Variants in CHL1 observed in about 807,000 individuals in gnomAD.
CHL1 encodes the protein cell adhesion molecule L1 like, also known as neural cell adhesion molecule L1-like protein.
Under a neutral mutation model 141.9 loss-of-function variants are expected in CHL1, and 96 were observed. The observed-to-expected ratio is 0.68, with a 90% CI of 0.57 to 0.80. The LOEUF (loss-of-function observed/expected upper bound fraction) is 0.80, where lower values mean the gene tolerates loss of function less well. CHL1 is among the 30% of genes least tolerant of loss of function. The probability of loss-of-function intolerance (pLI) is 0.00; values close to 1 mark genes in which losing one functional copy is unlikely to be tolerated. For synonymous variants in CHL1, 613 were observed against 502.2 expected, an observed-to-expected ratio of 1.22 and a Z score of -2.95; for missense variants, 1,820 against 1,457.2, an observed-to-expected ratio of 1.25 and a Z score of -4.05.
rs767445947 is a variant in CHL1 at position 226,007 on chromosome 3, T to TA, written c.-174-18598dup. On this transcript the variant is annotated intron_variant, in intron 1 of 27. Transcript: ENST00000256509. ...CCGGGAGACAGAATGAGACTCTGTCTAAAAAAAAGAGACACGTTAATCTTA... is the reference window on the plus strand; with the variant it reads ...CCGGGAGACAGAATGAGACTCTGTCTAAAAAAAAAGAGACACGTTAATCTTA... Among the ~76,000 whole-genome samples the TA allele has an allele frequency of 6.5e-3, 922 of 142,442 alleles. 26 individuals carry two copies. In the East Asian group the frequency reaches 0.089, roughly 14 times the overall value. The allele number at this position is 142,442 out of a possible 152,430, so 93.4% of individuals were successfully genotyped here. A position where few individuals can be genotyped will look rare whatever the true frequency, so the allele number is the denominator to read the frequency against.
chr3:241,583 G>GTT lies in CHL1; in HGVS notation c.-174-3030_-174-3029insTT, dbSNP rs111809765. ...TTCTCCTTCCAGTATACTTCTCTCT[G>GTT]GTTTTTTTTTTTACTTTGCCTCAAG... is the stretch of plus-strand genomic sequence containing the variant. On this transcript the variant is annotated intron_variant, in intron 1 of 27. Transcript: ENST00000256509. Among the ~76,000 whole-genome samples the GTT allele has an allele frequency of 5.6e-3, 828 of 149,104 alleles. 16 individuals are homozygous for GTT. The highest frequency in any genetic ancestry group is 0.018 in the Middle Eastern group (5 of 284).
At chr3:277,945 A>G (rs1696302610) in intron 2 of CHL1, among the ~76,000 whole-genome samples, 1 of 152,246 alleles carries the variant, frequency 6.6e-6, no homozygotes, top group African/African-American at 2.4e-5. Flanking sequence ...TCTAACAGAA[A>G]CATAAAATGT....
intron 2 of CHL1, among the ~76,000 whole-genome samples, chr3:245,279 C>T (rs561905603): frequency 1.3e-5 from 2 of 152,236 alleles, no homozygotes; most frequent in South Asian, 2.1e-4. Flanking sequence ...GAAAAGTTCA[C>T]ATTGGAAGGA....
intron 15 of CHL1, among the ~76,000 whole-genome samples, chr3:372,800 CTGT>C (rs767870928): frequency 1.1e-3 from 172 of 150,486 alleles, no homozygotes; most frequent in Non-Finnish European, 2.2e-3. Context: ...GTTGTTGATG[CTGT>C]TGTTGTTGCT....
chr3:218,046 T>A (rs1418217331), intron 1 of CHL1, among the ~76,000 whole-genome samples: 1 of 152,150 alleles, frequency 6.6e-6, no homozygotes, highest in Non-Finnish European at 1.5e-5. Flanking sequence ...CTGTTGTAAA[T>A]TATAACCCAC....
At chr3:334,227 G>T (rs1330076182) in intron 5 of CHL1, among the ~76,000 whole-genome samples, 1 of 151,920 alleles carries the variant, frequency 6.6e-6, no homozygotes, top group Non-Finnish European at 1.5e-5. Context: ...CTTAGAGATG[G>T]GGTTTTGCTA....
chr3:365,713 T>G (rs377114614), intron 14 of CHL1, among the ~76,000 whole-genome samples: 123 of 152,284 alleles, frequency 8.1e-4, no homozygotes, highest in East Asian at 7.4e-3. Context: ...CCCCAAGAAA[T>G]AATGAGGGAA....
intron 1 of CHL1, among the ~76,000 whole-genome samples, chr3:239,488 C>A (rs1692339112): frequency 6.6e-6 from 1 of 151,922 alleles, no homozygotes; most frequent in Non-Finnish European, 1.5e-5. Flanking sequence ...GAAGCTATGA[C>A]ATTCATACTT....
Position 319,695 on chromosome 3 carries a change from C to A in CHL1, c.-82C>A. The A allele has an allele frequency of 1.3e-6, 1 of 754,574 alleles. No homozygotes were observed. Among genetic ancestry groups the A allele is most frequent in the Non-Finnish European group, 2.2e-6 (1 of 451,180 alleles). 46.7% of individuals were successfully genotyped at this position (754,574 alleles called of 1,614,324 possible). ...TTTGTGTTTTTAGTTTCCAGGTTAA[C>A]TAAGGTCTCAGCTGTAAACCAAAAG... On this transcript the variant is annotated 5_prime_UTR_variant, in exon 3 of 28. Coordinates refer to ENST00000256509, the MANE Select transcript of CHL1 (RefSeq NM_006614.4).
intron 2 of CHL1, among the ~76,000 whole-genome samples, chr3:311,475 C>T (rs1699747131): frequency 6.6e-6 from 1 of 151,878 alleles, no homozygotes; most frequent in African/African-American, 2.4e-5. Flanking sequence ...GTGCTGAGCC[C>T]TGCAGGTCGT....
rs1305913733 is a variant in CHL1, at chr3:278,208, T to C, written c.-95+33516T>C. Among the ~76,000 whole-genome samples the C allele has an allele frequency of 2.6e-5, 4 of 152,218 alleles. No homozygotes were observed. In the South Asian group the frequency reaches 6.2e-4, roughly 24 times the overall value. ...TACAAGAATATCCAAAACAGAATTA[T>C]TTTGCTTGCTGTCTGTGTATTTGAC... On this transcript the variant is annotated intron_variant, in intron 2 of 27. Coordinates refer to ENST00000256509, the MANE Select transcript of CHL1 (RefSeq NM_006614.4).
intron 2 of CHL1, among the ~76,000 whole-genome samples, chr3:264,102 T>C (rs331863): frequency 0.012 from 1,791 of 152,324 alleles, 40 homozygotes; most frequent in African/African-American, 0.042. Flanking sequence ...ATTTAGACTT[T>C]ACTGTAAGGA....
rs557015162 is a variant in CHL1, at chr3:322,593, C to A, written c.91+2726C>A. Among the ~76,000 whole-genome samples the A allele has an allele frequency of 3.6e-4, 52 of 145,166 alleles. 1 individual carries two copies. Among genetic ancestry groups the A allele is most frequent in the African/African-American group, 1.3e-3 (51 of 39,150 alleles). ...GAGGCTTGAGGTCAGGAGTTCAAGA[C>A]CAGCCTGGCAAATGTAATGAGACCT... On this transcript the variant is annotated intron_variant, in intron 3 of 27. Transcript: ENST00000256509.
At chr3:303,907 C>G (rs1698986179) in intron 2 of CHL1, among the ~76,000 whole-genome samples, 1 of 152,022 alleles carries the variant, frequency 6.6e-6, no homozygotes, top group African/African-American at 2.4e-5. Flanking sequence ...CCATTGATAC[C>G]TAGTTTATTG....
intron 2 of CHL1, among the ~76,000 whole-genome samples, chr3:304,349 C>T (rs568698158): frequency 5.9e-5 from 9 of 152,206 alleles, no homozygotes; most frequent in South Asian, 2.1e-4. Context: ...TGGTAGAATA[C>T]GGCTGTGAAT....
intron 12 of CHL1, among the ~76,000 whole-genome samples, chr3:361,223 A>G (rs1309623211): frequency 6.6e-6 from 1 of 150,796 alleles, no homozygotes; most frequent in Non-Finnish European, 1.5e-5. Context: ...AATCAATTCA[A>G]GATGGATTAA....
intron 5 of CHL1, among the ~76,000 whole-genome samples, chr3:337,841 A>G (rs898962275): frequency 1.3e-5 from 2 of 152,158 alleles, no homozygotes; most frequent in South Asian, 2.1e-4. Context: ...ATATGTGTGC[A>G]TGTGTCTTCA....
At chr3:381,538 A>G (rs570888783) in intron 16 of CHL1, among the ~76,000 whole-genome samples, 4 of 152,322 alleles carry the variant, frequency 2.6e-5, no homozygotes, top group African/African-American at 9.6e-5. Flanking sequence ...AAATTAGTAC[A>G]TTGAGGTTAC....
chr3:293,110 C>T (rs1697849968), intron 2 of CHL1, among the ~76,000 whole-genome samples: 1 of 152,166 alleles, frequency 6.6e-6, no homozygotes, highest in Admixed American at 6.5e-5. Context: ...AGATATAGCA[C>T]AGTGCTTCAG....
Sources: allele counts gnomAD v4.1 joint callset (sites outside exome capture counted in the v4.1 genomes callset), GRCh38; gene constraint gnomAD v4.1.1; transcripts MANE v1.5; gene names NCBI Gene and HGNC (gene_info 2026-07-23, HGNC 2026-07-21).